Variants in TCF20 observed in about 807,000 individuals in gnomAD.
TCF20 encodes the protein transcription factor 20.
In TCF20, 3 loss-of-function variants were observed where a neutral mutation model predicts 148.6. That is an observed-to-expected ratio of 0.02 (90% CI 0.01 to 0.05). The LOEUF (loss-of-function observed/expected upper bound fraction) is 0.05. TCF20 is among the 10% of genes least tolerant of loss of function. The probability of loss-of-function intolerance (pLI) is 1.00; values close to 1 mark genes in which losing one functional copy is unlikely to be tolerated. For missense variants in TCF20, 2,350 were observed against 2,429.3 expected (o/e 0.97, Z 0.69); for synonymous variants, 1,049 against 909.5 (o/e 1.15, Z -2.76).
At chr22:42,199,525 T>C (rs1937840838) in intron 2 of TCF20, among the ~76,000 whole-genome samples, 1 of 152,024 alleles carries the variant, frequency 6.6e-6, no homozygotes, top group African/African-American at 2.4e-5. Context: ...TGTAATTAAA[T>C]ACAGTCTTGG....
chr22:42,316,065 G>A (rs530602797), intron 1 of TCF20, among the ~76,000 whole-genome samples: 7 of 137,778 alleles, frequency 5.1e-5, no homozygotes, highest in Non-Finnish European at 9.1e-5. Flanking sequence ...CTGAGATCGC[G>A]CCACTGCACT....
intron 5 of TCF20, among the ~76,000 whole-genome samples, chr22:42,166,657 G>A (rs1395865281): frequency 6.6e-6 from 1 of 150,540 alleles, no homozygotes; most frequent in East Asian, 1.9e-4. Context: ...TAGGAAGGAA[G>A]GCCCAAGAAT....
At chr22:42,300,051 T>TTTCGTTCC (rs1569204225) in intron 1 of TCF20, among the ~76,000 whole-genome samples, 1 of 152,186 alleles carries the variant, frequency 6.6e-6, no homozygotes, top group African/African-American at 2.4e-5. Flanking sequence ...GCCTGGTTCC[T>TTTCGTTCC]TTCGTTCCTT....
Position 42,212,351 on chromosome 22 carries a change from G to A in TCF20, c.2955C>T (p.Pro985=), listed in dbSNP as rs748049180. Residue 985 remains proline (P), a synonymous_variant, in exon 2 of 6, where the codon CCC becomes CCT. Transcript: ENST00000677622. The part of the protein sequence containing the change: ...LSDYGPQDSR[P]TPMRRVPGRV... ...TGCCAGGGACCCGCCGCATTGGCGT[G>A]GGTCTGCTGTCTTGCGGGCCATAGT... The A allele has an allele frequency of 6.2e-7, 1 of 1,614,240 alleles. No homozygotes were observed. The highest frequency in any genetic ancestry group is 1.7e-5 in the Admixed American group (1 of 60,030).
Position 42,297,050 on chromosome 22 carries a change from C to T in TCF20, c.-37+46429G>A, listed in dbSNP as rs73886024. On this transcript the variant is annotated intron_variant, in intron 1 of 1. Transcript: ENST00000515426. This position sits in a 1 kb window ranked among gnomAD's most constrained non-coding sequence, Gnocchi z 4.3. ...AGTTCAGAGAGGTGCAGTAACCCAC[C>T]CAGAACCACACAGCAAACTGGAGAA... 0.013 allele frequency among the ~76,000 whole-genome samples: 2,050 copies of T among 152,280 alleles called. 44 individuals are homozygous for T. Among genetic ancestry groups the T allele is most frequent in the African/African-American group, 0.047 (1,967 of 41,548 alleles).
chr22:42,310,470 T>G lies in TCF20; in HGVS notation c.-37+33009A>C, dbSNP rs1927514479. Among the ~76,000 whole-genome samples the G allele has an allele frequency of 2.6e-5, 4 of 150,972 alleles. No homozygotes were observed. The South Asian group carries it at 8.5e-4, about 32-fold the overall frequency. On this transcript the variant is annotated intron_variant, in intron 1 of 1. Coordinates refer to the TCF20 transcript ENST00000515426. ...GGGGGAGTAAGTGGTGCTAAGAGAC[T>G]GTCGACAATAACAGGAATCCAGCCA...
chr22:42,260,971 C>T (rs1012151072), intron 1 of TCF20, among the ~76,000 whole-genome samples: 10 of 152,144 alleles, frequency 6.6e-5, no homozygotes, highest in African/African-American at 2.4e-4. Flanking sequence ...CAAGACCTAA[C>T]CATTTCTATA....
At chr22:42,334,476 C>G (rs6002691) in intron 1 of TCF20, among the ~76,000 whole-genome samples, 24,051 of 152,212 alleles carry the variant, frequency 0.16, 3,963 homozygotes, top group African/African-American at 0.42. Context: ...AGCCAGTTCA[C>G]TCAGTCAGTC....
intron 1 of TCF20, among the ~76,000 whole-genome samples, chr22:42,252,158 G>A (rs1043602688): frequency 2.0e-5 from 3 of 151,218 alleles, no homozygotes; most frequent in Non-Finnish European, 4.4e-5. Context: ...GTGGTGGCAC[G>A]CACCTATAAT....
At chr22:42,242,398 G>T (rs969988796) in intron 1 of TCF20, among the ~76,000 whole-genome samples, 2 of 151,644 alleles carry the variant, frequency 1.3e-5, no homozygotes, top group African/African-American at 4.8e-5. Flanking sequence ...CAAAACAGAT[G>T]GTCTCTATTA....
At position 42,210,245 on chromosome 22, in the gene TCF20, A is replaced by G. The variant is rs746250487; in HGVS notation, c.5061T>C (p.Phe1687=). The G allele has an allele frequency of 2.5e-6, 4 of 1,614,154 alleles. No homozygotes were observed. The highest frequency in any genetic ancestry group is 3.4e-6 in the Non-Finnish European group (4 of 1,180,042). ...CTGTCACAACAGGTCCCTGCAGCAT[A>G]AAGGACGAGGCCGGGAGCGCCTTGC... ...TESKALPASS[F]MLQGPVVTES... is the part of the protein sequence containing the mutation. Residue 1687 remains phenylalanine (F), a synonymous_variant, in exon 2 of 6, where the codon TTT becomes TTC. Transcript: ENST00000677622. This position sits in a 1 kb window ranked among gnomAD's most constrained non-coding sequence, Gnocchi z 4.7.
At chr22:42,167,880 G>C (rs1935886445) in intron 5 of TCF20, among the ~76,000 whole-genome samples, 1 of 150,574 alleles carries the variant, frequency 6.6e-6, no homozygotes, top group African/African-American at 2.5e-5. Flanking sequence ...GTACCACCAC[G>C]CACGGCTAAT....
intron 3 of TCF20, among the ~76,000 whole-genome samples, chr22:42,177,721 A>G (rs1338222005): frequency 6.6e-6 from 1 of 152,200 alleles, no homozygotes; most frequent in South Asian, 2.1e-4. Context: ...TAGAGTAAGA[A>G]ATACATATTT....
chr22:42,272,625 C>T (rs1926667526), upstream of TCF20, among the ~76,000 whole-genome samples: 1 of 152,212 alleles, frequency 6.6e-6, no homozygotes, highest in Admixed American at 6.5e-5. Flanking sequence ...CCTCCCCGCC[C>T]TTTCAGACCC....
At chr22:42,343,164 G>C (rs1360409109) in intron 1 of TCF20, among the ~76,000 whole-genome samples, 1 of 152,184 alleles carries the variant, frequency 6.6e-6, no homozygotes, top group East Asian at 1.9e-4. Context: ...CGGCCCCAGG[G>C]GCAAATCCCG....
chr22:42,288,429 G>A (rs547059481), upstream of TCF20, among the ~76,000 whole-genome samples: 4 of 151,862 alleles, frequency 2.6e-5, no homozygotes, highest in East Asian at 1.9e-4. Context: ...CCAGCTACTC[G>A]GGAGGCTGAA....
intron 1 of TCF20, among the ~76,000 whole-genome samples, chr22:42,291,678 G>A (rs1178891738): frequency 6.6e-6 from 1 of 152,054 alleles, no homozygotes; most frequent in East Asian, 1.9e-4. Context: ...ATGGGGTGCT[G>A]GGCAGGACTG....
chr22:42,181,158 C>T (rs1268804796), intron 2 of TCF20, among the ~76,000 whole-genome samples: 1 of 152,158 alleles, frequency 6.6e-6, no homozygotes, highest in Non-Finnish European at 1.5e-5. Flanking sequence ...GGTAGTCCAT[C>T]GGTGGCCAAC....
rs769287531 is a variant in TCF20, at chr22:42,211,021, G to A, written c.4285C>T (p.Pro1429Ser). 5.6e-6 allele frequency: 9 copies of A among 1,613,974 alleles called. No homozygotes were observed. The highest frequency in any genetic ancestry group is 5.3e-5 in the African/African-American group (4 of 74,878). ...PANQELHVEK[P>S]LPRSSEEWRG... ...CACTCTTCTGAAGACCTTGGAAGAG[G>A]TTTCTCTACGTGCAACTCCTGGTTT... The change falls in exon 2 of 6, where the codon CCT (proline) becomes TCT (serine). Residue 1429 changes from proline (P) to serine (S), a missense_variant. Physicochemically the swap from Pro to Ser is moderately conservative, Grantham distance 74 (BLOSUM62 -1). Coordinates refer to ENST00000677622, the MANE Select transcript of TCF20 (RefSeq NM_001378418.1).
Sources: gnomAD v4.1 joint callset for allele counts (sites outside exome capture counted in the v4.1 genomes callset) on GRCh38, gnomAD v4.1.1 for gene constraint, Gnocchi (gnomAD v3.1) non-coding constraint, MANE v1.5 for transcripts, NCBI Gene and HGNC (gene_info 2026-07-23, HGNC 2026-07-21) for gene names.